The following PCDHA4 variants were observed in gnomAD, a reference collection of about 807,000 sequenced individuals.
PCDHA4 encodes protocadherin alpha 4, also known as protocadherin alpha-4.
PCDHA4 carries 49 observed loss-of-function variants against 61.4 expected under a neutral mutation model. That is an observed-to-expected ratio of 0.80 (90% CI 0.63 to 1.01). The LOEUF (loss-of-function observed/expected upper bound fraction) is 1.01, where lower values mean the gene tolerates loss of function less well. Among genes scored for constraint, PCDHA4 ranks in the 50% least tolerant of loss-of-function variants. The probability of loss-of-function intolerance (pLI) is 0.00; values close to 1 mark genes in which losing one functional copy is unlikely to be tolerated. For synonymous variants in PCDHA4, 590 were observed against 550.3 expected (o/e 1.07, Z -1.01); for missense variants, 1,254 against 1,235.8 (o/e 1.01, Z -0.22).
chr5:140,822,877 A>G (rs1554128927), intron 1 of PCDHA4: 3 of 1,614,078 alleles, frequency 1.9e-6, no homozygotes, highest in African/African-American at 1.3e-5. Flanking sequence ...CAGCACGGTC[A>G]TTGCTCTGAT....
At position 140,875,233 on chromosome 5, in the gene PCDHA4, G is replaced by A. The variant is rs1379502066; in HGVS notation, c.2385+65661G>A. Reference sequence around the variant, plus strand: ...CGAAAAGAACCTCAGGATCTTTCTTGTACTTACATAATCAGTCACATGATG... The same window carrying A: ...CGAAAAGAACCTCAGGATCTTTCTTATACTTACATAATCAGTCACATGATG... On this transcript the variant is annotated intron_variant, in intron 1 of 3. Coordinates refer to ENST00000530339, the MANE Select transcript of PCDHA4 (RefSeq NM_018907.4). The A allele has an allele frequency of 3.5e-6, 3 of 863,762 alleles. No individual in the cohort carries two copies. The African/African-American group carries it at 5.1e-5, about 15-fold the overall frequency. The allele number at this position is 863,762 out of a possible 1,614,324, so 53.5% of individuals were successfully genotyped here. A position where few individuals can be genotyped will look rare whatever the true frequency, so the allele number is the denominator to read the frequency against.
chr5:140,937,606 TACTC>T (rs1186588675), intron 1 of PCDHA4, among the ~76,000 whole-genome samples: 2 of 123,664 alleles, frequency 1.6e-5, no homozygotes, highest in Non-Finnish European at 3.5e-5. Context: ...AACAGAGTGA[TACTC>T]CATCTAAAAA....
chr5:140,985,902 T>G (rs1026675848), intron 3 of PCDHA4, among the ~76,000 whole-genome samples: 2 of 151,212 alleles, frequency 1.3e-5, no homozygotes, highest in Non-Finnish European at 2.9e-5. Flanking sequence ...ACCACTCCCG[T>G]CTAATTTTTT....
intron 1 of PCDHA4, chr5:140,841,275 A>G: frequency 6.5e-7 from 1 of 1,534,690 alleles, no homozygotes; most frequent in Non-Finnish European, 8.8e-7. Context: ...ACAGTCGTTC[A>G]TCTTTATATT....
chr5:140,883,486 A>G (rs2059636103), intron 1 of PCDHA4: 1 of 1,614,016 alleles, frequency 6.2e-7, no homozygotes, highest in Non-Finnish European at 8.5e-7. Context: ...ACTACTACTC[A>G]TTAGTGCTGG....
At chr5:140,969,253 C>T in intron 1 of PCDHA4, 3 of 1,614,202 alleles carry the variant, frequency 1.9e-6, no homozygotes, top group Non-Finnish European at 2.5e-6. Flanking sequence ...TGACTGACAG[C>T]AGGAATCTCA....
chr5:140,887,101 C>CT (rs200717289), intron 1 of PCDHA4, among the ~76,000 whole-genome samples: 1,545 of 145,196 alleles, frequency 0.011, 15 homozygotes, highest in African/African-American at 0.022. Flanking sequence ...ATCTTTATCT[C>CT]TTTTTTTTTT....
chr5:140,941,255 C>CTT (rs782490896), intron 1 of PCDHA4, among the ~76,000 whole-genome samples: 1,945 of 44,372 alleles, frequency 0.044, 20 homozygotes, highest in African/African-American at 0.075. Flanking sequence ...TTCTTTCTTT[C>CTT]TCTTTCTTTC....
chr5:140,984,960 CAG>C (rs1387655082), intron 3 of PCDHA4, among the ~76,000 whole-genome samples: 2 of 151,386 alleles, frequency 1.3e-5, no homozygotes, highest in African/African-American at 4.9e-5. Context: ...TTTTTTGAGA[CAG>C]AGTCTCGCTC....
At chr5:140,820,343 A>C (rs1190251005) in intron 1 of PCDHA4, among the ~76,000 whole-genome samples, 1 of 152,020 alleles carries the variant, frequency 6.6e-6, no homozygotes, top group Non-Finnish European at 1.5e-5. Context: ...TCCAGAAATC[A>C]AGTGAATTTC....
At chr5:140,891,454 A>C (rs1562858065) in intron 1 of PCDHA4, among the ~76,000 whole-genome samples, 1 of 145,650 alleles carries the variant, frequency 6.9e-6, no homozygotes, top group East Asian at 2.1e-4. Context: ...AGGATTTTTG[A>C]ATTTGTGAAT....
intron 1 of PCDHA4, among the ~76,000 whole-genome samples, chr5:140,872,601 AAAT>A (rs1346815805): frequency 2.6e-5 from 4 of 152,140 alleles, no homozygotes; most frequent in African/African-American, 7.2e-5. Flanking sequence ...CCATCTGAAA[AAAT>A]AATTTTTTTT....
chr5:140,928,108 G>A (rs782166106), intron 1 of PCDHA4: 5 of 1,614,072 alleles, frequency 3.1e-6, no homozygotes, highest in Admixed American at 3.3e-5. Context: ...CCTGGACCGG[G>A]AGCAGATCAG....
At chr5:140,894,363 C>T (rs971503382) in intron 1 of PCDHA4, among the ~76,000 whole-genome samples, 1 of 151,968 alleles carries the variant, frequency 6.6e-6, no homozygotes, top group Admixed American at 6.5e-5. Context: ...ATTTCTTCTT[C>T]AATGGCTCCA....
rs1554169498 is a variant in PCDHA4 at position 140,877,227 on chromosome 5, G to A, written c.2385+67655G>A. On this transcript the variant is annotated intron_variant, in intron 1 of 3. Transcript: ENST00000530339. ...TTAGCGAGTTGGTACCGCGGTCGGT[G>A]GGTGCGGGCCACGTGGTGGCGAAAG... The A allele has an allele frequency of 1.9e-6, 3 of 1,613,738 alleles. No homozygotes were observed. The South Asian group carries it at 3.3e-5, about 18-fold the overall frequency.
rs1347683940 is a variant in PCDHA4 at position 140,847,266 on chromosome 5, A to C, written c.2385+37694A>C. ...CAAAATAAATCACGACTTTTGAAAG[A>C]AGGTTGAACGGGAAGACAAACTCAG... is the stretch of plus-strand genomic sequence containing the variant. On this transcript the variant is annotated intron_variant, in intron 1 of 3. Coordinates refer to ENST00000530339, the MANE Select transcript of PCDHA4 (RefSeq NM_018907.4). Among the ~76,000 whole-genome samples the C allele has an allele frequency of 6.0e-5, 9 of 149,874 alleles. 2 individuals carry two copies. Among genetic ancestry groups the C allele is most frequent in the African/African-American group, 2.2e-4 (9 of 40,946 alleles).
intron 1 of PCDHA4, chr5:140,836,790 T>G: frequency 2.1e-6 from 3 of 1,427,258 alleles, no homozygotes; most frequent in Middle Eastern, 1.8e-4. Flanking sequence ...TTAGTTCAAT[T>G]GGTCTCCTTA....
chr5:141,001,999 A>G (rs1554258445), intron 3 of PCDHA4, among the ~76,000 whole-genome samples: 1 of 152,198 alleles, frequency 6.6e-6, no homozygotes, highest in African/African-American at 2.4e-5. Flanking sequence ...TTCACTTGCA[A>G]ACACAGAATC....
At chr5:140,869,986 G>T (rs781968863) in intron 1 of PCDHA4, 4 of 1,613,322 alleles carry the variant, frequency 2.5e-6, no homozygotes, top group Admixed American at 1.7e-5. Context: ...ATTTACACTA[G>T]ATCAAAATAA....
Sources: allele counts gnomAD v4.1 joint callset (sites outside exome capture counted in the v4.1 genomes callset), GRCh38; gene constraint gnomAD v4.1.1; transcripts MANE v1.5; gene names NCBI Gene and HGNC (gene_info 2026-07-23, HGNC 2026-07-21).